Variants in NRXN3 observed in about 807,000 individuals in gnomAD.
The protein encoded by NRXN3 is neurexin 3, also known as neurexin III.
Under a neutral mutation model 137.6 loss-of-function variants are expected in NRXN3, and 32 were observed. The ratio of observed to expected loss-of-function variants is 0.23; its 90% confidence interval spans 0.18 to 0.31. NRXN3 has a LOEUF of 0.31. Ranked by LOEUF, NRXN3 falls within the 10% of genes least tolerant of loss-of-function variation. The pLI is 1.00. For synonymous variants in NRXN3, 798 were observed against 784.5 expected (o/e 1.02, Z -0.29); for missense variants, 1,574 against 2,062.5 (o/e 0.76, Z 4.59).
At chr14:79,428,968 C>A (rs1472309036) in intron 15 of NRXN3, among the ~76,000 whole-genome samples, 1 of 152,102 alleles carries the variant, frequency 6.6e-6, no homozygotes, top group Non-Finnish European at 1.5e-5. Flanking sequence ...GACTATTTAA[C>A]AAATTCTTAT....
chr14:79,509,175 C>G (rs1383901208), intron 16 of NRXN3, among the ~76,000 whole-genome samples: 1 of 152,018 alleles, frequency 6.6e-6, no homozygotes. Context: ...GTCTGGGTGA[C>G]AGAGCAAGAC....
intron 4 of NRXN3, among the ~76,000 whole-genome samples, chr14:78,622,936 G>C (rs72683552): frequency 0.022 from 3,294 of 152,244 alleles, 48 homozygotes; most frequent in Admixed American, 0.033. Flanking sequence ...TAATAAGCTG[G>C]TACCATTTAT....
intron 16 of NRXN3, among the ~76,000 whole-genome samples, chr14:79,495,485 T>C (rs532736286): frequency 3.9e-5 from 6 of 152,246 alleles, no homozygotes; most frequent in Admixed American, 1.3e-4. Context: ...TAATTACATA[T>C]GATATAAAGG....
intron 15 of NRXN3, among the ~76,000 whole-genome samples, chr14:79,422,564 A>G (rs2095594129): frequency 6.6e-6 from 1 of 152,230 alleles, no homozygotes; most frequent in South Asian, 2.1e-4. Context: ...GTAGAGCCAC[A>G]TAAGAAGGTA....
At chr14:79,090,645 C>CA (rs1355474988) in intron 15 of NRXN3, among the ~76,000 whole-genome samples, 5 of 152,078 alleles carry the variant, frequency 3.3e-5, no homozygotes. Context: ...ATGCACTATT[C>CA]AAAATCTTCA....
At chr14:79,111,159 A>G (rs1471872253) in intron 15 of NRXN3, among the ~76,000 whole-genome samples, 1 of 152,172 alleles carries the variant, frequency 6.6e-6, no homozygotes, top group Non-Finnish European at 1.5e-5. Context: ...AAGGACATGA[A>G]AGGCTGAGGA....
At chr14:79,695,282 G>T (rs574359523) in intron 18 of NRXN3, among the ~76,000 whole-genome samples, 3 of 152,040 alleles carry the variant, frequency 2.0e-5, no homozygotes, top group Admixed American at 2.0e-4. Flanking sequence ...GATAAGATGA[G>T]AACTATTATA....
In NRXN3 at chr14:79,441,191, C is replaced by CT. The variant is rs80110823; in HGVS notation, c.3263-26021dup. ...GTTTTGAACAAAGAGCACAGTGTTT[C>CT]TTTTTTTTTAAATAGAAACCCATAC... is the stretch of plus-strand genomic sequence containing the variant. On this transcript the variant is annotated intron_variant, in intron 15 of 20. Transcript: ENST00000335750. Among the ~76,000 whole-genome samples the CT allele has an allele frequency of 9.5e-3, 1,439 of 150,710 alleles. 25 individuals are homozygous for CT. The highest frequency in any genetic ancestry group is 0.093 in the East Asian group (475 of 5,122).
chr14:79,179,053 C>T (rs1321735494), intron 15 of NRXN3, among the ~76,000 whole-genome samples: 2 of 152,162 alleles, frequency 1.3e-5, no homozygotes, highest in Admixed American at 1.3e-4. Context: ...GATGAAAAAA[C>T]TCATCTCTGA....
At chr14:78,768,440 G>A (rs2098716040) in intron 8 of NRXN3, among the ~76,000 whole-genome samples, 1 of 152,040 alleles carries the variant, frequency 6.6e-6, no homozygotes, top group Non-Finnish European at 1.5e-5. Flanking sequence ...GTTTTAATAG[G>A]GGTCCTTAGT....
chr14:78,945,392 A>T (rs1468355910), intron 10 of NRXN3, among the ~76,000 whole-genome samples: 2 of 152,008 alleles, frequency 1.3e-5, no homozygotes, highest in East Asian at 3.9e-4. Flanking sequence ...CTCAGAAATT[A>T]AAGGCATATC....
chr14:79,348,626 C>G (rs778999189), intron 15 of NRXN3, among the ~76,000 whole-genome samples: 29 of 152,258 alleles, frequency 1.9e-4, no homozygotes, highest in Admixed American at 5.9e-4. Context: ...ATCCGCCCAC[C>G]TCGGCCTCCC....
At chr14:79,689,655 G>C (rs1291987614) in intron 17 of NRXN3, among the ~76,000 whole-genome samples, 3 of 152,028 alleles carry the variant, frequency 2.0e-5, no homozygotes, top group Non-Finnish European at 4.4e-5. Flanking sequence ...TTTCAGAAGG[G>C]TCTAAGGTTG....
intron 10 of NRXN3, among the ~76,000 whole-genome samples, chr14:78,877,966 G>C (rs1230550826): frequency 6.6e-6 from 1 of 152,112 alleles, no homozygotes; most frequent in East Asian, 1.9e-4. Flanking sequence ...GCTTTTGCAG[G>C]ATGAATATTT....
chr14:78,356,916 G>A (rs1239801594), intron 4 of NRXN3, among the ~76,000 whole-genome samples: 3 of 152,150 alleles, frequency 2.0e-5, no homozygotes, highest in East Asian at 1.9e-4. Flanking sequence ...GTGACTTAAC[G>A]TCATTTGATT....
chr14:79,811,765 G>A (rs2099234639), intron 20 of NRXN3, among the ~76,000 whole-genome samples: 2 of 151,158 alleles, frequency 1.3e-5, no homozygotes, highest in South Asian at 4.2e-4. Flanking sequence ...TCTATTTTTA[G>A]TAGAGACGGG....
At chr14:79,257,489 G>A (rs1360835659) in intron 15 of NRXN3, among the ~76,000 whole-genome samples, 16 of 80,592 alleles carry the variant, frequency 2.0e-4, no homozygotes, top group Admixed American at 2.4e-4. Context: ...TGATGGTGGT[G>A]ATGGTGGTGG....
chr14:79,110,922 C>T (rs1206022684), intron 15 of NRXN3, among the ~76,000 whole-genome samples: 1 of 151,938 alleles, frequency 6.6e-6, no homozygotes, highest in Non-Finnish European at 1.5e-5. Context: ...TCCCAAATAG[C>T]TGGGACTACA....
intron 15 of NRXN3, among the ~76,000 whole-genome samples, chr14:79,441,036 C>G (rs2095932613): frequency 6.6e-6 from 1 of 152,230 alleles, no homozygotes; most frequent in East Asian, 1.9e-4. Flanking sequence ...GATAATTGAC[C>G]AATGTGGCAA....
Sources: allele counts gnomAD v4.1 joint callset (sites outside exome capture counted in the v4.1 genomes callset), GRCh38; gene constraint gnomAD v4.1.1; transcripts MANE v1.5; gene names NCBI Gene and HGNC (gene_info 2026-07-23, HGNC 2026-07-21).